Variants in GPC6 observed in about 807,000 individuals in gnomAD.
GPC6 encodes glypican-6.
Under a neutral mutation model 55.2 loss-of-function variants are expected in GPC6, and 14 were observed. The ratio of observed to expected loss-of-function variants is 0.25; its 90% CI spans 0.17 to 0.40. The LOEUF is 0.40. Ranked by LOEUF, GPC6 falls within the 10% of genes least tolerant of loss-of-function variation. The probability of loss-of-function intolerance (pLI) is 1.00; values close to 1 mark genes in which losing one functional copy is unlikely to be tolerated. For synonymous variants in GPC6, 278 were observed against 259.6 expected, an observed-to-expected ratio of 1.07 and a Z score of -0.68; for missense variants, 641 against 708.5, an observed-to-expected ratio of 0.90 and a Z score of 1.08.
chr13:93,727,879 T>G (rs1023737394), intron 2 of GPC6, among the ~76,000 whole-genome samples: 1 of 152,084 alleles, frequency 6.6e-6, no homozygotes, highest in African/African-American at 2.4e-5. Context: ...TGCTAAACAT[T>G]CCTAACCAGG....
intron 2 of GPC6, among the ~76,000 whole-genome samples, chr13:93,790,924 G>A (rs1175026943): frequency 6.6e-6 from 1 of 152,146 alleles, no homozygotes; most frequent in African/African-American, 2.4e-5. Flanking sequence ...TCCAGGCACA[G>A]GGAACAGCAA....
chr13:94,379,134 A>G (rs138942514), intron 6 of GPC6, among the ~76,000 whole-genome samples: 19 of 152,344 alleles, frequency 1.2e-4, no homozygotes, highest in African/African-American at 3.8e-4. Context: ...CAGAAATATA[A>G]ATAAATAAAA....
chr13:94,319,939 AT>A (rs925278810), intron 6 of GPC6, among the ~76,000 whole-genome samples: 1 of 152,166 alleles, frequency 6.6e-6, no homozygotes, highest in African/African-American at 2.4e-5. Flanking sequence ...ATTCTAAGCC[AT>A]TATGTCTTCA....
chr13:94,373,513 A>G (rs1879687581), intron 6 of GPC6, among the ~76,000 whole-genome samples: 1 of 152,204 alleles, frequency 6.6e-6, no homozygotes, highest in Middle Eastern at 3.2e-3. Context: ...AAGTTTAGAG[A>G]AAAAAGAATA....
chr13:94,067,412 A>G (rs1320990981), intron 4 of GPC6, among the ~76,000 whole-genome samples: 1 of 151,984 alleles, frequency 6.6e-6, no homozygotes, highest in Non-Finnish European at 1.5e-5. Flanking sequence ...TATTCTTTTT[A>G]TTATGCCGTA....
intron 4 of GPC6, among the ~76,000 whole-genome samples, chr13:94,166,876 A>G (rs1199399486): frequency 6.6e-6 from 1 of 152,196 alleles, no homozygotes; most frequent in Non-Finnish European, 1.5e-5. Context: ...CAAGTTTAAG[A>G]ACTTAATTAT....
chr13:93,873,331 G>A (rs556713604), intron 3 of GPC6, among the ~76,000 whole-genome samples: 1 of 151,878 alleles, frequency 6.6e-6, no homozygotes, highest in East Asian at 1.9e-4. Flanking sequence ...TTAATTTTTG[G>A]TGGGAGGAGT....
At chr13:94,294,228 T>A (rs1470213857) in intron 5 of GPC6, among the ~76,000 whole-genome samples, 2 of 152,188 alleles carry the variant, frequency 1.3e-5, no homozygotes, top group Admixed American at 1.3e-4. Context: ...ATATTCGGAA[T>A]AATTTCAAAC....
intron 6 of GPC6, among the ~76,000 whole-genome samples, chr13:94,338,323 G>A (rs1877833801): frequency 1.3e-5 from 2 of 152,114 alleles, no homozygotes; most frequent in South Asian, 4.1e-4. Context: ...CAATGCAAAT[G>A]GGGACAGAGA....
intron 1 of GPC6, among the ~76,000 whole-genome samples, chr13:93,405,646 C>CTT (rs34596997): frequency 4.7e-5 from 7 of 149,708 alleles, no homozygotes; most frequent in East Asian, 2.0e-4. Flanking sequence ...CAATATAATC[C>CTT]TTTTTTTTTT....
chr13:93,278,750 CAG>C (rs1373014000), intron 1 of GPC6, among the ~76,000 whole-genome samples: 1 of 151,978 alleles, frequency 6.6e-6, no homozygotes, highest in African/African-American at 2.4e-5. Context: ...TACAAAGTAG[CAG>C]ATATATAGAG....
intron 6 of GPC6, among the ~76,000 whole-genome samples, chr13:94,361,721 C>T (rs549753585): frequency 6.6e-6 from 1 of 152,302 alleles, no homozygotes; most frequent in South Asian, 2.1e-4. Context: ...TGAGTATTTG[C>T]AGGATGTACT....
intron 6 of GPC6, among the ~76,000 whole-genome samples, chr13:94,338,859 CTGA>C (rs544688092): frequency 1.1e-4 from 16 of 152,054 alleles, no homozygotes; most frequent in Non-Finnish European, 2.1e-4. Context: ...TGGGAGATGG[CTGA>C]TGTTTTGGAA....
chr13:93,855,484 A>C (rs1594527660), intron 3 of GPC6, among the ~76,000 whole-genome samples: 1 of 151,846 alleles, frequency 6.6e-6, no homozygotes, highest in Non-Finnish European at 1.5e-5. Flanking sequence ...TAAAGCTTTC[A>C]TAAATATCTG....
At chr13:94,060,584 G>A (rs1053102445) in intron 4 of GPC6, among the ~76,000 whole-genome samples, 3 of 152,306 alleles carry the variant, frequency 2.0e-5, no homozygotes, top group South Asian at 4.1e-4. Flanking sequence ...ATGTACTTTA[G>A]TAGTAGTTAG....
chr13:93,927,148 C>A (rs1877903442), intron 3 of GPC6, among the ~76,000 whole-genome samples: 1 of 152,138 alleles, frequency 6.6e-6, no homozygotes, highest in Admixed American at 6.6e-5. Flanking sequence ...CTAAGACAGC[C>A]TAGAATTAAG....
rs190678911 is a variant in GPC6, at chr13:93,771,608, A to G, written c.320-58546A>G. ...CTCATTTGCCATTTTAAAATAAAGT[A>G]AATACCTAATGCTAGATGACGAGTT... On this transcript the variant is annotated intron_variant, in intron 2 of 8. Coordinates refer to ENST00000377047, the MANE Select transcript of GPC6 (RefSeq NM_005708.5). Among the ~76,000 whole-genome samples the G allele has an allele frequency of 5.6e-4, 86 of 152,222 alleles. 1 individual carries two copies. The highest frequency in any genetic ancestry group is 2.0e-3 in the African/African-American group (82 of 41,534).
At chr13:94,271,144 C>A (rs1048201739) in intron 4 of GPC6, among the ~76,000 whole-genome samples, 1 of 146,256 alleles carries the variant, frequency 6.8e-6, no homozygotes, top group Admixed American at 6.8e-5. Context: ...GCTCCCGCCA[C>A]CATGCCCGGC....
intron 2 of GPC6, among the ~76,000 whole-genome samples, chr13:93,766,877 T>C (rs568595473): frequency 6.6e-6 from 1 of 152,304 alleles, no homozygotes; most frequent in South Asian, 2.1e-4. Flanking sequence ...TAATTGTTAC[T>C]GGTGGCCAAA....
Sources: gnomAD v4.1 joint callset for allele counts (sites outside exome capture counted in the v4.1 genomes callset) on GRCh38, gnomAD v4.1.1 for gene constraint, MANE v1.5 for transcripts, NCBI Gene and HGNC (gene_info 2026-07-23, HGNC 2026-07-21) for gene names.